The following CNKSR2 variants were observed in gnomAD, a reference collection of about 807,000 sequenced individuals.
CNKSR2 encodes connector enhancer of kinase suppressor of Ras 2.
In CNKSR2, 14 loss-of-function variants were observed where a neutral mutation model predicts 84.4. That is an observed-to-expected ratio of 0.17 (90% CI 0.11 to 0.26). The LOEUF (loss-of-function observed/expected upper bound fraction) is 0.26, where lower values mean the gene tolerates loss of function less well. Ranked by LOEUF, CNKSR2 falls within the 10% of genes least tolerant of loss-of-function variation. The probability of loss-of-function intolerance (pLI) is 1.00; values close to 1 mark genes in which losing one functional copy is unlikely to be tolerated. For missense variants in CNKSR2, 485 were observed against 771.2 expected, an observed-to-expected ratio of 0.63 and a Z score of 4.40; for synonymous variants, 275 against 277.9, an observed-to-expected ratio of 0.99 and a Z score of 0.10.
At chrX:21,535,173 A>G (rs994735314) in intron 11 of CNKSR2, among the ~76,000 whole-genome samples, 2 of 111,305 alleles carry the variant, frequency 1.8e-5, no homozygotes, top group Non-Finnish European at 3.8e-5. Flanking sequence ...GCCTTTGTCA[A>G]AAATCACCCG....
At chrX:21,476,318 G>T (rs2147155127) in intron 5 of CNKSR2, among the ~76,000 whole-genome samples, 1 of 111,507 alleles carries the variant, frequency 9.0e-6, no homozygotes, top group Admixed American at 9.6e-5. Flanking sequence ...CATGGAAGCA[G>T]AAAATAAACC....
chrX:21,561,393 T>G, intron 11 of CNKSR2, 78 bp from the exon 12 acceptor site: 1 of 747,372 alleles, frequency 1.3e-6, no homozygotes, highest in Non-Finnish European at 2.1e-6. Flanking sequence ...TGGTAGACTT[T>G]AGCTAAAAAT....
intron 5 of CNKSR2, among the ~76,000 whole-genome samples, chrX:21,478,111 G>A (rs758348625): frequency 8.1e-5 from 9 of 111,550 alleles, no homozygotes; most frequent in African/African-American, 2.9e-4. Context: ...GATGAAAAAC[G>A]TAAGATGCTT....
At position 21,597,660 on chromosome X, in the gene CNKSR2, A is replaced by G. The variant is rs772023093; in HGVS notation, c.1976+2265A>G. ...TACAAATATTCACAGAGGATTAATGATGGGGAGGAACACCCACCTACAGCT... is the reference window on the plus strand; with the variant it reads ...TACAAATATTCACAGAGGATTAATGGTGGGGAGGAACACCCACCTACAGCT... On this transcript the variant is annotated intron_variant, in intron 17 of 21. Coordinates refer to ENST00000379510, the MANE Select transcript of CNKSR2 (RefSeq NM_014927.5). Among the ~76,000 whole-genome samples the G allele has an allele frequency of 2.5e-4, 28 of 110,508 alleles. 1 individual carries two copies. The highest frequency in any genetic ancestry group is 2.4e-3 in the Admixed American group (25 of 10,300).
chrX:21,393,076 A>T (rs1364339012), intron 1 of CNKSR2, among the ~76,000 whole-genome samples: 1 of 112,306 alleles, frequency 8.9e-6, no homozygotes, highest in Non-Finnish European at 1.9e-5. Flanking sequence ...CAAAAAATTG[A>T]AATGTTATAA....
At chrX:21,613,019 A>G (rs1169333426) in intron 20 of CNKSR2, among the ~76,000 whole-genome samples, 2 of 112,041 alleles carry the variant, frequency 1.8e-5, no homozygotes, top group African/African-American at 6.5e-5. Context: ...TTGCATATTA[A>G]TTGTCTTGAC....
intron 11 of CNKSR2, among the ~76,000 whole-genome samples, chrX:21,541,814 T>C (rs1244729878): frequency 1.8e-5 from 2 of 112,372 alleles, no homozygotes; most frequent in African/African-American, 6.5e-5. Flanking sequence ...GTTAAATAAC[T>C]TACCCAACTA....
intron 9 of CNKSR2, among the ~76,000 whole-genome samples, chrX:21,521,022 G>A (rs1569219450): frequency 1.8e-5 from 2 of 110,285 alleles, no homozygotes; most frequent in Admixed American, 1.9e-4. Flanking sequence ...ATCAACTGGT[G>A]TAACAACTGG....
rs1370513663 is a variant in CNKSR2, at chrX:21,653,500, C to T, written c.*979C>T. ...CACTAATTAAACTTAGGTAATTATA[C>T]TTCAGGTAGGGAAGTACAATATGTT... On this transcript the variant is annotated 3_prime_UTR_variant, in exon 22 of 22. Transcript: ENST00000379510. 6.4e-5 allele frequency: 7 copies of T among 110,217 alleles called. No individual in the cohort carries two copies. The Admixed American group carries it at 6.8e-4, about 11-fold the overall frequency. The allele number at this position is 110,217 out of a possible 1,213,427, so 9.1% of individuals were successfully genotyped here.
intron 20 of CNKSR2, among the ~76,000 whole-genome samples, chrX:21,639,286 G>A (rs2092684096): frequency 9.0e-6 from 1 of 111,527 alleles, no homozygotes; most frequent in South Asian, 3.8e-4. Context: ...GTATCTTGAA[G>A]TAGGTTTTTG....
chrX:21,458,112 T>C (rs2091016987), intron 4 of CNKSR2, among the ~76,000 whole-genome samples: 1 of 112,372 alleles, frequency 8.9e-6, no homozygotes, highest in Non-Finnish European at 1.9e-5. Flanking sequence ...TCCTGTTTTG[T>C]AACTGTTGGG....
chrX:21,476,311 G>A (rs1054419932), intron 5 of CNKSR2, among the ~76,000 whole-genome samples: 1 of 111,136 alleles, frequency 9.0e-6, no homozygotes, highest in Non-Finnish European at 1.9e-5. Context: ...AAACTAACAT[G>A]GAAGCAGAAA....
chrX:21,638,827 T>C (rs962964923), intron 20 of CNKSR2, among the ~76,000 whole-genome samples: 1 of 111,400 alleles, frequency 9.0e-6, no homozygotes, highest in Admixed American at 9.6e-5. Context: ...AAGAGTTATA[T>C]AATTTATGTT....
intron 13 of CNKSR2, among the ~76,000 whole-genome samples, chrX:21,583,596 T>C (rs1027269495): frequency 2.7e-5 from 3 of 111,911 alleles, no homozygotes; most frequent in African/African-American, 9.7e-5. Context: ...TCTTGGAACT[T>C]TGCAGAAAAT....
intron 5 of CNKSR2, among the ~76,000 whole-genome samples, chrX:21,477,900 G>A (rs1231522363): frequency 8.9e-6 from 1 of 111,877 alleles, no homozygotes; most frequent in Non-Finnish European, 1.9e-5. Flanking sequence ...ATTTTAACTC[G>A]TCTTCAGGAG....
chrX:21,602,007 C>A (rs771763811), intron 18 of CNKSR2, among the ~76,000 whole-genome samples: 2 of 112,371 alleles, frequency 1.8e-5, no homozygotes, highest in African/African-American at 6.5e-5. Context: ...TACTTATAAA[C>A]ACAAACCTAT....
intron 2 of CNKSR2, chrX:21,429,884 C>T (rs1007505171): frequency 9.1e-6 from 1 of 110,452 alleles, no homozygotes. Flanking sequence ...GGTGACAGAA[C>T]GAGACCCTGT....
At chrX:21,584,815 G>A (rs2092375548) in intron 13 of CNKSR2, among the ~76,000 whole-genome samples, 1 of 111,495 alleles carries the variant, frequency 9.0e-6, no homozygotes, top group South Asian at 3.8e-4. Context: ...ACCAGATCAT[G>A]TAGGGCCTTC....
intron 11 of CNKSR2, among the ~76,000 whole-genome samples, chrX:21,539,750 A>C (rs2091960770): frequency 9.0e-6 from 1 of 110,694 alleles, no homozygotes; most frequent in Non-Finnish European, 1.9e-5. Flanking sequence ...TAATCTCCAT[A>C]TGATATCTTT....
Sources: allele counts gnomAD v4.1 joint callset (sites outside exome capture counted in the v4.1 genomes callset), GRCh38; gene constraint gnomAD v4.1.1; transcripts MANE v1.5; gene names NCBI Gene and HGNC (gene_info 2026-07-23, HGNC 2026-07-21).